Variants in SATL1 observed in about 807,000 individuals in gnomAD.
The protein encoded by SATL1 is spermidine/spermine N1-acetyl transferase like 1.
Under a neutral mutation model 51.8 loss-of-function variants are expected in SATL1, and 47 were observed. The observed-to-expected ratio is 0.91, with a 90% CI of 0.72 to 1.16. The LOEUF is 1.16. Ranked by LOEUF, SATL1 falls within the 50% of genes most tolerant of loss-of-function variation. The probability of loss-of-function intolerance (pLI) is 0.00; values close to 1 mark genes in which losing one functional copy is unlikely to be tolerated. For synonymous variants in SATL1, 176 were observed against 182.4 expected, an observed-to-expected ratio of 0.97 and a Z score of 0.28; for missense variants, 520 against 526.4, an observed-to-expected ratio of 0.99 and a Z score of 0.12.
chrX:85,138,031 A>G (rs1287453670), intron 2 of SATL1, among the ~76,000 whole-genome samples: 2 of 111,777 alleles, frequency 1.8e-5, no homozygotes, highest in Non-Finnish European at 3.8e-5. Context: ...TCTCTCTGCT[A>G]ACATTACCTA....
At chrX:85,113,491 A>G (rs1404440818) in intron 2 of SATL1, among the ~76,000 whole-genome samples, 1 of 111,310 alleles carries the variant, frequency 9.0e-6, no homozygotes, top group Non-Finnish European at 1.9e-5. Context: ...AGAGATCACT[A>G]GTTGGTTCAG....
At chrX:85,218,490 A>G (rs1487325558) in intron 2 of SATL1, among the ~76,000 whole-genome samples, 2 of 111,409 alleles carry the variant, frequency 1.8e-5, no homozygotes, top group Non-Finnish European at 3.8e-5. Context: ...TTTAGCATGA[A>G]CCTCTATCAT....
intron 2 of SATL1, among the ~76,000 whole-genome samples, chrX:85,140,527 A>G (rs1464760101): frequency 8.9e-6 from 1 of 112,282 alleles, no homozygotes; most frequent in African/African-American, 3.2e-5. Flanking sequence ...TCAGACAAAT[A>G]TATCCTAGTT....
chrX:85,236,093 T>C lies in SATL1; in HGVS notation c.-435+7495A>G, dbSNP rs776394352. On this transcript the variant is annotated intron_variant, in intron 1 of 7. Coordinates refer to ENST00000644105, the MANE Select transcript of SATL1 (RefSeq NM_001367857.2). ...AATAAACTGGAAAACCTAGAAGAAATTGATAAATTCCTACACATGTACAAC... is the reference window on the plus strand; with the variant it reads ...AATAAACTGGAAAACCTAGAAGAAACTGATAAATTCCTACACATGTACAAC... Among the ~76,000 whole-genome samples, 14 of 111,103 alleles carry C rather than the reference T, an allele frequency of 1.3e-4. No individual in the cohort carries two copies. In the East Asian group the frequency reaches 1.4e-3, roughly 11 times the overall value.
rs1162552650 is a variant in SATL1 at position 85,149,257 on chromosome X, A to G, written c.-312-39977T>C. ...TGGTAAAGGGATCAATTCAACAAGAAGAACTAACTATCCTAAATATATATG... is the reference window on the plus strand; with the variant it reads ...TGGTAAAGGGATCAATTCAACAAGAGGAACTAACTATCCTAAATATATATG... On this transcript the variant is annotated intron_variant, in intron 2 of 7. Transcript: ENST00000644105. Among the ~76,000 whole-genome samples the G allele has an allele frequency of 3.3e-4, 37 of 111,800 alleles. 1 individual carries two copies. The highest frequency in any genetic ancestry group is 3.0e-3 in the Admixed American group (32 of 10,536).
intron 4 of SATL1, among the ~76,000 whole-genome samples, chrX:85,103,522 AT>A (rs1924950273): frequency 8.9e-6 from 1 of 111,802 alleles, no homozygotes; most frequent in African/African-American, 3.2e-5. Flanking sequence ...CTTTGAAAAT[AT>A]TTTAAATCAT....
intron 2 of SATL1, among the ~76,000 whole-genome samples, chrX:85,165,656 T>G (rs73232602): frequency 0.11 from 12,111 of 111,278 alleles, 569 homozygotes; most frequent in South Asian, 0.18. Context: ...TTTTCTGGTT[T>G]CTTCTCATTT....
In SATL1 at chrX:85,108,799, G is replaced by T. The variant is rs780158581; in HGVS notation, c.170C>A (p.Ala57Asp). The T allele has an allele frequency of 6.6e-6, 8 of 1,211,470 alleles. No homozygotes were observed. The highest frequency in any genetic ancestry group is 8.9e-6 in the Non-Finnish European group (8 of 895,379). Residue 57 changes from alanine (A) to aspartate (D), a missense_variant, in exon 3 of 8, where the codon GCT becomes GAT. Around this residue, in one of 3 missense-constraint regions of SATL1, gnomAD observed 10 missense variants for 28.3 expected, o/e 0.35. Transcript: ENST00000644105. Reference sequence around the variant, plus strand: ...GTTTGTACCTGATTGCCTCATGCCAGCTTGGCTCATGCTTGGTTGTTTCAT... The same window carrying T: ...GTTTGTACCTGATTGCCTCATGCCATCTTGGCTCATGCTTGGTTGTTTCAT... Reference protein sequence around the residue: ...VDMKQPSMSQAGMRQSGTNLP... With the variant: ...VDMKQPSMSQDGMRQSGTNLP...
chrX:85,182,265 C>T (rs1260291241), intron 2 of SATL1, among the ~76,000 whole-genome samples: 2 of 111,166 alleles, frequency 1.8e-5, no homozygotes, highest in Non-Finnish European at 3.8e-5. Flanking sequence ...TTCCCAATCC[C>T]TAATAACCAT....
chrX:85,189,821 A>C (rs1209651480), intron 2 of SATL1, among the ~76,000 whole-genome samples: 1 of 112,153 alleles, frequency 8.9e-6, no homozygotes, highest in Non-Finnish European at 1.9e-5. Context: ...TTCAATAAGT[A>C]AATGCACAGA....
At position 85,224,186 on chromosome X, in the gene SATL1, G is replaced by A. The variant is rs1190774626; in HGVS notation, c.-313+19C>T. On this transcript the variant is annotated intron_variant, in intron 2 of 7. Coordinates refer to ENST00000644105, the MANE Select transcript of SATL1 (RefSeq NM_001367857.2). ...GTCACGCTCCCTCCAGAGGCTCTAG[G>A]GGAAAATCCATTCCTTACCTCTTCC... 1 of 111,379 alleles carries A rather than the reference G, an allele frequency of 9.0e-6. No homozygotes were observed. Among genetic ancestry groups the A allele is most frequent in the Non-Finnish European group, 1.9e-5 (1 of 53,039 alleles). The allele number at this position is 111,379 out of a possible 1,213,427, so 9.2% of individuals were successfully genotyped here.
intron 2 of SATL1, among the ~76,000 whole-genome samples, chrX:85,198,781 G>T (rs1183134432): frequency 9.1e-6 from 1 of 110,157 alleles, no homozygotes; most frequent in African/African-American, 3.3e-5. Flanking sequence ...ATTTTAAAAA[G>T]TACAATTAAA....
chrX:85,107,499 G>A lies in SATL1; in HGVS notation c.1470C>T (p.Gly490=), dbSNP rs747189797. The A allele has an allele frequency of 5.0e-6, 6 of 1,211,148 alleles. No homozygotes were observed. In the East Asian group the frequency reaches 1.5e-4, roughly 30 times the overall value. The change falls in exon 3 of 8, where the codon GGC becomes GGT. Residue 490 remains glycine (G), a synonymous_variant. Coordinates refer to ENST00000644105, the MANE Select transcript of SATL1 (RefSeq NM_001367857.2). ...GIWEPGPSQP[G]LSQQDLNQLV... ...ATTGGTTCAGGTCTTGTTGGCTCAG[G>A]CCTGGCTGACTCGGCCCCGGTTCCC...
At chrX:85,173,326 T>TA (rs1055841651) in intron 2 of SATL1, among the ~76,000 whole-genome samples, 7 of 111,223 alleles carry the variant, frequency 6.3e-5, no homozygotes, top group African/African-American at 9.8e-5. Flanking sequence ...CTCCATCAAG[T>TA]AAAAAATAGG....
intron 2 of SATL1, among the ~76,000 whole-genome samples, chrX:85,213,746 A>G (rs1006855929): frequency 8.9e-6 from 1 of 111,878 alleles, no homozygotes; most frequent in Non-Finnish European, 1.9e-5. Flanking sequence ...TTTCTAATGT[A>G]CTTAGCATAT....
intron 2 of SATL1, among the ~76,000 whole-genome samples, chrX:85,175,782 T>A (rs1050654892): frequency 9.0e-5 from 10 of 110,971 alleles, no homozygotes; most frequent in Non-Finnish European, 1.7e-4. Context: ...ACCACTTTAG[T>A]CAAGGGGGGC....
At chrX:85,215,112 C>A (rs1311521667) in intron 2 of SATL1, among the ~76,000 whole-genome samples, 5 of 111,866 alleles carry the variant, frequency 4.5e-5, no homozygotes. Flanking sequence ...GATATAACAC[C>A]ATATGCATGC....
chrX:85,093,291 AAAAT>A, intron 6 of SATL1, 66 bp from the exon 7 acceptor site: 1 of 1,006,825 alleles, frequency 9.9e-7, no homozygotes, highest in Non-Finnish European at 1.4e-6. Flanking sequence ...GCTTTAGTTT[AAAAT>A]AAATAATATC....
At chrX:85,202,561 T>C (rs141204007) in intron 2 of SATL1, among the ~76,000 whole-genome samples, 23 of 111,977 alleles carry the variant, frequency 2.1e-4, no homozygotes, top group African/African-American at 7.1e-4. Context: ...TCAGTGTTTA[T>C]GCTCCTTCCC....
Sources: allele counts gnomAD v4.1 joint callset (sites outside exome capture counted in the v4.1 genomes callset), GRCh38; gene constraint gnomAD v4.1.1; regional missense constraint gnomAD v4.1.1; transcripts MANE v1.5; gene names NCBI Gene and HGNC (gene_info 2026-07-23, HGNC 2026-07-21).